The following CELF5 variants were observed in gnomAD, a reference collection of about 807,000 sequenced individuals.
CELF5 encodes the protein CUG-BP and ETR-3 like factor 5.
In CELF5, 6 loss-of-function variants were observed where a neutral mutation model predicts 54.9. The observed-to-expected ratio is 0.11, with a 90% CI of 0.06 to 0.22. The LOEUF (loss-of-function observed/expected upper bound fraction) is 0.22, where lower values mean the gene tolerates loss of function less well. Among genes scored for constraint, CELF5 ranks in the 10% least tolerant of loss-of-function variants. The pLI is 1.00. For synonymous variants in CELF5, 271 were observed against 290.9 expected (o/e 0.93, Z 0.70); for missense variants, 401 against 678.6 (o/e 0.59, Z 4.54).
chr19:3,269,757 C>T (rs2079931794), intron 2 of CELF5, among the ~76,000 whole-genome samples: 1 of 152,168 alleles, frequency 6.6e-6, no homozygotes, highest in Admixed American at 6.6e-5. Flanking sequence ...GGACACCTCT[C>T]CCTTCCCCCT....
At position 3,282,248 on chromosome 19, in the gene CELF5, A is replaced by T; in HGVS notation, c.873A>T (p.Thr291=). 3 of 1,612,710 alleles carry T rather than the reference A, an allele frequency of 1.9e-6. No individual in the cohort carries two copies. Among genetic ancestry groups the T allele is most frequent in the Non-Finnish European group, 2.5e-6 (3 of 1,179,992 alleles). ...GAVSLNGLPA[T]PIAPASGLHS... is the part of the protein sequence containing the mutation. ...TCAGCCTCAACGGGCTGCCTGCCAC[A>T]CCCATCGCTCCTGCCTCTGGTGAGC... The change falls in exon 7 of 13, where the codon ACA becomes ACT. Residue 291 remains threonine, a synonymous_variant. Coordinates refer to ENST00000292672, the MANE Select transcript of CELF5 (RefSeq NM_021938.4). This position sits in a 1 kb window ranked among gnomAD's most constrained non-coding sequence, Gnocchi z 5.2.
chr19:3,253,541 G>A (rs149696910), intron 2 of CELF5, among the ~76,000 whole-genome samples: 94 of 152,308 alleles, frequency 6.2e-4, no homozygotes, highest in African/African-American at 2.2e-3. Flanking sequence ...CAAGGAGGAA[G>A]CCACAGTCCC....
At chr19:3,250,662 C>T (rs994537842) in intron 1 of CELF5, among the ~76,000 whole-genome samples, 12 of 152,150 alleles carry the variant, frequency 7.9e-5, no homozygotes, top group African/African-American at 2.9e-4. Flanking sequence ...GGCACCTCCC[C>T]ATTTTACTTT....
At chr19:3,273,026 G>T (rs2079991604) in intron 2 of CELF5, among the ~76,000 whole-genome samples, 1 of 152,062 alleles carries the variant, frequency 6.6e-6, no homozygotes, top group South Asian at 2.1e-4. Flanking sequence ...CTAGAACAAT[G>T]AATCCAGATG....
chr19:3,257,409 C>G (rs1568342856), intron 2 of CELF5, among the ~76,000 whole-genome samples: 1 of 152,096 alleles, frequency 6.6e-6, no homozygotes, highest in Non-Finnish European at 1.5e-5. Context: ...GTGACTGGGA[C>G]CAGGGGACAG....
At chr19:3,247,373 G>C (rs923470773) in intron 1 of CELF5, among the ~76,000 whole-genome samples, 2 of 152,042 alleles carry the variant, frequency 1.3e-5, no homozygotes, top group African/African-American at 2.4e-5. Flanking sequence ...TGATCCACCT[G>C]CCTTGGCCTC....
At chr19:3,229,908 C>T (rs1917170509) in intron 1 of CELF5, among the ~76,000 whole-genome samples, 1 of 152,104 alleles carries the variant, frequency 6.6e-6, no homozygotes, top group Non-Finnish European at 1.5e-5. Context: ...GGCTTGGGAG[C>T]TCAGGGTCCC....
chr19:3,264,209 G>A (rs754343283), intron 2 of CELF5, among the ~76,000 whole-genome samples: 23 of 151,336 alleles, frequency 1.5e-4, no homozygotes, highest in Non-Finnish European at 2.1e-4. Flanking sequence ...AGGAGCTTGC[G>A]ACCAGCCTGG....
At position 3,281,166 on chromosome 19, in the gene CELF5, C is replaced by T. The variant is rs544978491; in HGVS notation, c.604-33C>T. The T allele has an allele frequency of 1.6e-5, 25 of 1,592,540 alleles. No individual in the cohort carries two copies. The highest frequency in any genetic ancestry group is 1.5e-5 in the Non-Finnish European group (17 of 1,172,000). ...CCAGAGTCCTGGCTACCTCCCAGCC[C>T]GTTTCCCTCCCTGCTCGCCGCTGCC... On this transcript the variant is annotated intron_variant, in intron 5 of 12. Transcript: ENST00000292672. This position sits in a 1 kb window ranked among gnomAD's most constrained non-coding sequence, Gnocchi z 6.5.
At chr19:3,277,567 G>A (rs1267214492) in intron 4 of CELF5, among the ~76,000 whole-genome samples, 1 of 151,794 alleles carries the variant, frequency 6.6e-6, no homozygotes, top group Non-Finnish European at 1.5e-5. Context: ...TCATAAAACC[G>A]TGCAACCATC....
At chr19:3,234,404 G>A (rs1027773927) in intron 1 of CELF5, among the ~76,000 whole-genome samples, 2 of 152,182 alleles carry the variant, frequency 1.3e-5, no homozygotes, top group African/African-American at 4.8e-5. Context: ...CAGCCATGAT[G>A]TGGTTCTCAA....
chr19:3,242,523 AT>A (rs2079505647), intron 1 of CELF5, among the ~76,000 whole-genome samples: 1 of 150,750 alleles, frequency 6.6e-6, no homozygotes, highest in African/African-American at 2.4e-5. Context: ...ATACAAAAAA[AT>A]GGCCGGGCGC....
intron 2 of CELF5, among the ~76,000 whole-genome samples, chr19:3,260,183 C>A (rs2079788540): frequency 6.6e-6 from 1 of 152,114 alleles, no homozygotes; most frequent in South Asian, 2.1e-4. Context: ...GGGGCGTGAT[C>A]TTGGCTCACT....
intron 9 of CELF5, 25 bp downstream of exon 9, chr19:3,284,989 GC>G: frequency 6.6e-7 from 1 of 1,523,118 alleles, no homozygotes; most frequent in Non-Finnish European, 9.0e-7. Flanking sequence ...GCGTGCCCGC[GC>G]TGGGCCCTGG....
At chr19:3,237,094 C>T (rs1293412879) in intron 1 of CELF5, among the ~76,000 whole-genome samples, 1 of 150,516 alleles carries the variant, frequency 6.6e-6, no homozygotes, top group African/African-American at 2.4e-5. Context: ...GGGTGGATCA[C>T]GAGGTCAGGA....
At position 3,224,889 on chromosome 19, in the gene CELF5, C is replaced by T; in HGVS notation, c.150C>T (p.Gly50=). The T allele has an allele frequency of 1.9e-6, 3 of 1,608,888 alleles. No homozygotes were observed. Among genetic ancestry groups the T allele is most frequent in the Non-Finnish European group, 2.5e-6 (3 of 1,178,184 alleles). Residue 50 remains glycine (G), a synonymous_variant, in exon 1 of 13, where the codon GGC becomes GGT. Coordinates refer to ENST00000292672, the MANE Select transcript of CELF5 (RefSeq NM_021938.4). ...TGGACGCCATCAAACTCTTCGTGGGCCAGATCCCGCGGCACCTGGACGAGA... is the reference window on the plus strand; with the variant it reads ...TGGACGCCATCAAACTCTTCGTGGGTCAGATCCCGCGGCACCTGGACGAGA... ...KDLDAIKLFV[G]QIPRHLDEKD... is the part of the protein sequence containing the mutation.
intron 1 of CELF5, among the ~76,000 whole-genome samples, chr19:3,242,862 G>T (rs2145027691): frequency 6.6e-6 from 1 of 152,248 alleles, no homozygotes. Context: ...TACTCAGGAG[G>T]CTGATGAAAG....
intron 1 of CELF5, among the ~76,000 whole-genome samples, chr19:3,226,714 G>T (rs531547385): frequency 3.4e-4 from 51 of 152,040 alleles, no homozygotes; most frequent in Admixed American, 2.8e-3. Flanking sequence ...GCTCTAGGTC[G>T]GAGAGACAGG....
chr19:3,263,246 C>CAAA (rs541811875), intron 2 of CELF5, among the ~76,000 whole-genome samples: 4 of 45,054 alleles, frequency 8.9e-5, no homozygotes, highest in African/African-American at 3.3e-4. Context: ...GATTCTGTCT[C>CAAA]AAAAAAAAAA....
Sources: allele counts gnomAD v4.1 joint callset (sites outside exome capture counted in the v4.1 genomes callset), GRCh38; gene constraint gnomAD v4.1.1; non-coding constraint Gnocchi (gnomAD v3.1); transcripts MANE v1.5; gene names NCBI Gene and HGNC (gene_info 2026-07-23, HGNC 2026-07-21).